The following GRIN2A variants were observed in gnomAD, a reference collection of about 807,000 sequenced individuals.
GRIN2A encodes glutamate ionotropic receptor NMDA type subunit 2A, also known as glutamate receptor ionotropic, NMDA 2A.
In GRIN2A, 22 loss-of-function variants were observed where a neutral mutation model predicts 113.4. That is an observed-to-expected ratio of 0.19 (90% CI 0.14 to 0.28). The LOEUF is 0.28. Among genes scored for constraint, GRIN2A ranks in the 10% least tolerant of loss-of-function variants. The pLI, the probability that GRIN2A is intolerant of heterozygous loss-of-function variation, is 1.00. For synonymous variants in GRIN2A, 827 were observed against 738.4 expected, an observed-to-expected ratio of 1.12 and a Z score of -1.94; for missense variants, 1,502 against 1,887.0, an observed-to-expected ratio of 0.80 and a Z score of 3.78.
intron 2 of GRIN2A, among the ~76,000 whole-genome samples, chr16:10,041,006 G>A (rs1008983559): frequency 2.0e-5 from 3 of 152,362 alleles, no homozygotes; most frequent in Non-Finnish European, 4.4e-5. Flanking sequence ...AAAGCCCCCT[G>A]GCAAAGTAAC....
chr16:9,889,495 TCTA>T (rs915567906), intron 4 of GRIN2A, among the ~76,000 whole-genome samples: 1 of 152,164 alleles, frequency 6.6e-6, no homozygotes, highest in Non-Finnish European at 1.5e-5. Context: ...ATTTTTTTCT[TCTA>T]CTTCATTTGT....
At chr16:9,942,673 C>T (rs2044912333) in intron 2 of GRIN2A, among the ~76,000 whole-genome samples, 1 of 152,150 alleles carries the variant, frequency 6.6e-6, no homozygotes, top group Non-Finnish European at 1.5e-5. Context: ...TTCAAATCCC[C>T]ACCACCCCAT....
intron 2 of GRIN2A, among the ~76,000 whole-genome samples, chr16:10,051,965 A>G (rs2047367508): frequency 1.3e-5 from 2 of 152,246 alleles, no homozygotes; most frequent in Non-Finnish European, 2.9e-5. Context: ...TCACTGTCAC[A>G]TACTAAAAAG....
chr16:10,058,285 A>G (rs907963350), intron 2 of GRIN2A, among the ~76,000 whole-genome samples: 1 of 149,994 alleles, frequency 6.7e-6, no homozygotes, highest in African/African-American at 2.5e-5. Context: ...AAACCAAAAA[A>G]CAAAAAAACA....
intron 2 of GRIN2A, among the ~76,000 whole-genome samples, chr16:9,963,138 A>G (rs1254858557): frequency 2.9e-5 from 4 of 135,866 alleles, no homozygotes; most frequent in African/African-American, 1.1e-4. Flanking sequence ...GGGGGCGGGG[A>G]GGGATAGCAT....
intron 2 of GRIN2A, chr16:10,031,443 T>C (rs2046927208): frequency 6.6e-6 from 1 of 152,404 alleles, no homozygotes; most frequent in Admixed American, 6.5e-5. Flanking sequence ...CACTGCTTCC[T>C]GCCACATTCA....
chr16:10,026,146 C>T (rs1409937179), intron 2 of GRIN2A, among the ~76,000 whole-genome samples: 2 of 152,096 alleles, frequency 1.3e-5, no homozygotes, highest in Non-Finnish European at 2.9e-5. Flanking sequence ...CCAGAATCCC[C>T]CACCCAGTGG....
At chr16:9,788,319 T>C (rs1223176964) in intron 11 of GRIN2A, among the ~76,000 whole-genome samples, 1 of 151,302 alleles carries the variant, frequency 6.6e-6, no homozygotes, top group Admixed American at 6.6e-5. Context: ...TGCAGTGGTG[T>C]GGATCTCAGC....
intron 2 of GRIN2A, among the ~76,000 whole-genome samples, chr16:9,988,282 T>C (rs72774034): frequency 0.021 from 2,671 of 124,694 alleles, 70 homozygotes; most frequent in African/African-American, 0.067. Flanking sequence ...TGTGTGTGTG[T>C]GCGTGTGTGT....
chr16:10,139,704 C>A (rs1294274561), intron 2 of GRIN2A, among the ~76,000 whole-genome samples: 1 of 152,074 alleles, frequency 6.6e-6, no homozygotes, highest in African/African-American at 2.4e-5. Flanking sequence ...GGGGGAATAC[C>A]CAAGAGGTTG....
chr16:10,006,066 T>C (rs1013331578), intron 2 of GRIN2A, among the ~76,000 whole-genome samples: 15 of 152,200 alleles, frequency 9.9e-5, no homozygotes, highest in African/African-American at 3.6e-4. Flanking sequence ...AATAATAACC[T>C]ACTTCATATA....
rs1476361789 is a variant in GRIN2A, at chr16:9,756,909, C to T, written c.*6240G>A. 1 of 186,736 alleles carries T rather than the reference C, an allele frequency of 5.4e-6. No individual in the cohort carries two copies. Among genetic ancestry groups the T allele is most frequent in the Non-Finnish European group, 1.1e-5 (1 of 88,306 alleles). The allele number at this position is 186,736 out of a possible 1,614,324, so 11.6% of individuals were successfully genotyped here. On this transcript the variant is annotated 3_prime_UTR_variant, in exon 13 of 13. Coordinates refer to ENST00000330684, the MANE Select transcript of GRIN2A (RefSeq NM_001134407.3). ...TTTGCCCCGTTTTCTCTCTAGGGAA[C>T]CTGATGCTTTCTGTCAGCCACAGCA...
At chr16:10,075,844 ATAAT>A (rs1177199697) in intron 2 of GRIN2A, among the ~76,000 whole-genome samples, 1 of 152,182 alleles carries the variant, frequency 6.6e-6, no homozygotes, top group Non-Finnish European at 1.5e-5. Flanking sequence ...AGAATTAAAT[ATAAT>A]TAATATGCTA....
intron 2 of GRIN2A, among the ~76,000 whole-genome samples, chr16:10,175,492 G>A (rs2050124231): frequency 2.0e-5 from 3 of 152,180 alleles, no homozygotes; most frequent in Non-Finnish European, 4.4e-5. Flanking sequence ...TACCCATGGT[G>A]ATAGGATTTG....
chr16:9,918,476 T>C (rs2044296420), intron 3 of GRIN2A, among the ~76,000 whole-genome samples: 1 of 152,198 alleles, frequency 6.6e-6, no homozygotes, highest in Admixed American at 6.5e-5. Flanking sequence ...GGTCTCTCTC[T>C]TAAAATACTG....
intron 2 of GRIN2A, among the ~76,000 whole-genome samples, chr16:9,970,436 G>A (rs765719088): frequency 2.6e-5 from 4 of 152,142 alleles, no homozygotes; most frequent in Non-Finnish European, 5.9e-5. Context: ...ATCTTATTAA[G>A]CTCAGTTTAT....
intron 11 of GRIN2A, among the ~76,000 whole-genome samples, chr16:9,775,795 G>GT (rs1901561819): frequency 6.6e-6 from 1 of 152,210 alleles, no homozygotes; most frequent in Non-Finnish European, 1.5e-5. Flanking sequence ...TGTTGCTCAT[G>GT]TTTCTCCAGT....
At chr16:10,156,425 A>G (rs1180895772) in intron 2 of GRIN2A, among the ~76,000 whole-genome samples, 1 of 152,268 alleles carries the variant, frequency 6.6e-6, no homozygotes, top group African/African-American at 2.4e-5. Flanking sequence ...TGTTTGACAG[A>G]GGCAGTGTGG....
intron 10 of GRIN2A, among the ~76,000 whole-genome samples, chr16:9,807,349 G>GGGGAGA (rs1641340076): frequency 3.1e-5 from 1 of 32,252 alleles, no homozygotes; most frequent in Non-Finnish European, 6.0e-5. Context: ...AAGGGTGGAG[G>GGGGAGA]GGGAGAGGGA....
Sources: allele counts gnomAD v4.1 joint callset (sites outside exome capture counted in the v4.1 genomes callset), GRCh38; gene constraint gnomAD v4.1.1; transcripts MANE v1.5; gene names NCBI Gene and HGNC (gene_info 2026-07-23, HGNC 2026-07-21).